The following GJB7 variants were observed in gnomAD, a reference collection of about 807,000 sequenced individuals.
The protein encoded by GJB7 is gap junction beta-7 protein.
For missense variants in GJB7, 253 were observed against 256.8 expected (o/e 0.99, Z 0.10); for synonymous variants, 87 against 95.2 (o/e 0.91, Z 0.50).
chr6:87,295,623 A>G (rs1035170729), intron 2 of GJB7, among the ~76,000 whole-genome samples: 22 of 152,136 alleles, frequency 1.4e-4, no homozygotes, highest in Non-Finnish European at 2.6e-4. Context: ...TGAGTTTTCA[A>G]CCTTTTTCAA....
chr6:87,310,700 G>A (rs1034889900), intron 2 of GJB7, among the ~76,000 whole-genome samples: 1 of 151,994 alleles, frequency 6.6e-6, no homozygotes, highest in Non-Finnish European at 1.5e-5. Context: ...GAAAAATTGA[G>A]AAGCTCAATC....
At chr6:87,323,887 C>T (rs955139431) in intron 1 of GJB7, among the ~76,000 whole-genome samples, 1 of 152,112 alleles carries the variant, frequency 6.6e-6, no homozygotes, top group African/African-American at 2.4e-5. Context: ...TTACAGGCCA[C>T]CAACAGTGTA....
At chr6:87,323,082 T>G (rs1235892698) in intron 1 of GJB7, 39 bp from the exon 2 acceptor site, 2 of 141,518 alleles carry the variant, frequency 1.4e-5, no homozygotes, top group Non-Finnish European at 2.9e-5. Flanking sequence ...AATGAAGTTT[T>G]CTTTTGGAGG....
intron 2 of GJB7, among the ~76,000 whole-genome samples, chr6:87,311,592 TG>T (rs2127907782): frequency 6.6e-6 from 1 of 152,330 alleles, no homozygotes; most frequent in African/African-American, 2.4e-5. Context: ...TAGGAATGTG[TG>T]AAGTTCATGA....
intron 2 of GJB7, among the ~76,000 whole-genome samples, chr6:87,303,764 C>T (rs1259000675): frequency 6.6e-6 from 1 of 152,176 alleles, no homozygotes; most frequent in Non-Finnish European, 1.5e-5. Flanking sequence ...AAATTGACCT[C>T]ATAGTTGGAA....
At chr6:87,317,756 A>T (rs72916586) in intron 2 of GJB7, among the ~76,000 whole-genome samples, 4,235 of 152,286 alleles carry the variant, frequency 0.028, 107 homozygotes, top group South Asian at 0.053. Context: ...TAAGAGTTTT[A>T]AGGGCAAAGA....
chr6:87,315,450 G>A (rs1409716251), intron 2 of GJB7, among the ~76,000 whole-genome samples: 2 of 152,094 alleles, frequency 1.3e-5, no homozygotes, highest in African/African-American at 4.8e-5. Context: ...TAGAAACCTG[G>A]AGCTGCCAGC....
chr6:87,307,927 G>A (rs998049616), intron 2 of GJB7, among the ~76,000 whole-genome samples: 4 of 152,162 alleles, frequency 2.6e-5, no homozygotes, highest in South Asian at 2.1e-4. Flanking sequence ...ACAGGCACAC[G>A]TATGTTTATT....
chr6:87,284,171 A>G lies in GJB7; in HGVS notation c.*70T>C. The G allele has an allele frequency of 7.9e-7, 1 of 1,263,600 alleles. No homozygotes were observed. Among genetic ancestry groups the G allele is most frequent in the Non-Finnish European group, 1.1e-6 (1 of 890,138 alleles). The allele number at this position is 1,263,600 out of a possible 1,614,324, so 78.3% of individuals were successfully genotyped here. On this transcript the variant is annotated 3_prime_UTR_variant, in exon 3 of 3. Transcript: ENST00000525899. ...GGTAGAGGGAGTGTGTTTATGGCCAAGTGTGAAGATTCTGGAGTAGGGGAG... is the reference window on the plus strand; with the variant it reads ...GGTAGAGGGAGTGTGTTTATGGCCAGGTGTGAAGATTCTGGAGTAGGGGAG...
At chr6:87,297,378 T>A (rs1251300988) in intron 2 of GJB7, among the ~76,000 whole-genome samples, 2 of 152,200 alleles carry the variant, frequency 1.3e-5, no homozygotes, top group Non-Finnish European at 2.9e-5. Flanking sequence ...ATACCCAGCA[T>A]CAAAAGAATG....
At chr6:87,297,115 T>C (rs1776257384) in intron 2 of GJB7, among the ~76,000 whole-genome samples, 1 of 152,202 alleles carries the variant, frequency 6.6e-6, no homozygotes. Flanking sequence ...CTTCCCCTCC[T>C]GTTAGATAGA....
Position 87,284,825 on chromosome 6 carries a change from C to T in GJB7, c.88G>A (p.Val30Ile). 1 of 1,614,140 alleles carries T rather than the reference C, an allele frequency of 6.2e-7. No homozygotes were observed. Among genetic ancestry groups the T allele is most frequent in the South Asian group, 1.1e-5 (1 of 91,074 alleles). Residue 30 changes from valine to isoleucine, a missense_variant, in exon 3 of 3, where the codon GTC becomes ATC. Val to Ile is a conservative substitution (Grantham distance 29). Coordinates refer to ENST00000525899, the MANE Select transcript of GJB7 (RefSeq NM_198568.3). Reference sequence around the variant, plus strand: ...ACCATGTAGACCAGCAAACGGAAGACAAACACGACAGCCAGCCAAATCCAT... The same window carrying T: ...ACCATGTAGACCAGCAAACGGAAGATAAACACGACAGCCAGCCAAATCCAT... Reference protein sequence around the residue: ...TGWIWLAVVFVFRLLVYMVAA... With the variant: ...TGWIWLAVVFIFRLLVYMVAA...
rs994772874 is a variant in GJB7 at position 87,324,025 on chromosome 6, T to A, written c.-205-982A>T. On this transcript the variant is annotated intron_variant, in intron 1 of 2. Coordinates refer to ENST00000525899, the MANE Select transcript of GJB7 (RefSeq NM_198568.3). ...TGATTTGCATTTCTCTGATGGCCAG[T>A]GATGGTGAGCATTTTTTCATGTGTG... Among the ~76,000 whole-genome samples the A allele has an allele frequency of 3.3e-4, 50 of 150,372 alleles. 1 individual carries two copies. Among genetic ancestry groups the A allele is most frequent in the East Asian group, 1.6e-3 (8 of 5,136 alleles).
chr6:87,293,019 T>C (rs1250322790), intron 2 of GJB7, among the ~76,000 whole-genome samples: 1 of 152,204 alleles, frequency 6.6e-6, no homozygotes, highest in African/African-American at 2.4e-5. Context: ...GAATGTAGTT[T>C]ATTTTATTTT....
At chr6:87,313,670 G>A (rs1264915148) in intron 2 of GJB7, among the ~76,000 whole-genome samples, 1 of 152,060 alleles carries the variant, frequency 6.6e-6, no homozygotes, top group Admixed American at 6.6e-5. Context: ...AATATCACAC[G>A]TCTCTCTCCC....
At chr6:87,321,452 G>A (rs774415375) in intron 2 of GJB7, among the ~76,000 whole-genome samples, 4 of 151,998 alleles carry the variant, frequency 2.6e-5, no homozygotes, top group African/African-American at 9.7e-5. Context: ...CCAGTCTTAC[G>A]ATCTCCGTTT....
At chr6:87,325,482 A>C in intron 1 of GJB7, among the ~76,000 whole-genome samples, 1 of 98,236 alleles carries the variant, frequency 1.0e-5, no homozygotes, top group East Asian at 2.6e-4. Flanking sequence ...ATGAAGGGTT[A>C]TTGAATTTTG....
chr6:87,291,314 T>TA (rs561716703), intron 2 of GJB7, among the ~76,000 whole-genome samples: 1 of 152,106 alleles, frequency 6.6e-6, no homozygotes, highest in African/African-American at 2.4e-5. Flanking sequence ...AATTGTATAT[T>TA]AAAAAAATAA....
At chr6:87,317,770 T>C (rs1337387617) in intron 2 of GJB7, among the ~76,000 whole-genome samples, 1 of 152,198 alleles carries the variant, frequency 6.6e-6, no homozygotes, top group Non-Finnish European at 1.5e-5. Flanking sequence ...GCAAAGATTA[T>C]GTCTTAATCA....
Sources: allele counts gnomAD v4.1 joint callset (sites outside exome capture counted in the v4.1 genomes callset), GRCh38; gene constraint gnomAD v4.1.1; transcripts MANE v1.5; gene names NCBI Gene and HGNC (gene_info 2026-07-23, HGNC 2026-07-21).